The following DNASE1 variants were observed in gnomAD, a reference collection of about 807,000 sequenced individuals.
The protein encoded by DNASE1 is deoxyribonuclease-1.
DNASE1 carries 40 observed loss-of-function variants against 33.9 expected under a neutral mutation model. That is an observed-to-expected ratio of 1.18 (90% CI 0.92 to 1.54). The LOEUF (loss-of-function observed/expected upper bound fraction) is 1.54, where lower values mean the gene tolerates loss of function less well. Among genes scored for constraint, DNASE1 ranks in the 40% most tolerant of loss-of-function variants. The pLI is 0.00. For synonymous variants in DNASE1, 216 were observed against 160.0 expected, an observed-to-expected ratio of 1.35 and a Z score of -2.64; for missense variants, 518 against 372.6, an observed-to-expected ratio of 1.39 and a Z score of -3.21.
At chr16:3,612,649 TCCTCCCGCCTCGG>T (rs1426973664) in intron 1 of DNASE1, among the ~76,000 whole-genome samples, 60 of 148,182 alleles carry the variant, frequency 4.0e-4, no homozygotes, top group African/African-American at 1.5e-3. Flanking sequence ...CCGCAAGAGA[TCCTCCCGCCTCGG>T]CCTCCCAAAG....
rs545680735 is a variant in DNASE1, at chr16:3,656,918, C to A, written c.437-81C>A. 16 of 1,568,040 alleles carry A rather than the reference C, an allele frequency of 1.0e-5. No homozygotes were observed. In the East Asian group the frequency reaches 3.8e-4, roughly 37 times the overall value. On this transcript the variant is annotated intron_variant, in intron 5 of 8. Transcript: ENST00000246949. Reference sequence around the variant, plus strand: ...AATATCCACCCCCCGGGGGGACTGTCATGATACATAGTTCCAGCTGACATG... The same window carrying A: ...AATATCCACCCCCCGGGGGGACTGTAATGATACATAGTTCCAGCTGACATG...
At chr16:3,644,409 A>G (rs2042109912) in intron 1 of DNASE1, among the ~76,000 whole-genome samples, 1 of 152,120 alleles carries the variant, frequency 6.6e-6, no homozygotes, top group South Asian at 2.1e-4. Context: ...CTAAAAATAC[A>G]AAAATTAGCC....
chr16:3,654,195 C>G (rs1181940342), upstream of DNASE1: 1 of 396,484 alleles, frequency 2.5e-6, no homozygotes, highest in Non-Finnish European at 4.4e-6. Context: ...GCCCTTGTGA[C>G]CTGGTCACTC....
intron 1 of DNASE1, among the ~76,000 whole-genome samples, chr16:3,635,012 C>G (rs1029443944): frequency 1.3e-5 from 2 of 151,988 alleles, no homozygotes; most frequent in African/African-American, 4.8e-5. Flanking sequence ...TGATGCCAAA[C>G]TTAGTGCAGA....
intron 1 of DNASE1, among the ~76,000 whole-genome samples, chr16:3,631,588 G>A (rs944144394): frequency 6.6e-6 from 1 of 151,908 alleles, no homozygotes; most frequent in Non-Finnish European, 1.5e-5. Context: ...GCAGTGGCAT[G>A]ATCTCAGGTC....
At chr16:3,632,580 TTCTC>T (rs1157037320) in intron 1 of DNASE1, among the ~76,000 whole-genome samples, 2 of 151,744 alleles carry the variant, frequency 1.3e-5, no homozygotes, top group Non-Finnish European at 1.5e-5. Context: ...CTTTAATTTT[TTCTC>T]TCTTTTTTTT....
At position 3,619,684 on chromosome 16, in the gene DNASE1, A is replaced by T. The variant is rs530182447; in HGVS notation, c.-1359+7678A>T. Reference sequence around the variant, plus strand: ...CCGCCTGTAGGTAATTAAAAAAAAAATTTTTTTTGTAGACACAGGTCTTGC... The same window carrying T: ...CCGCCTGTAGGTAATTAAAAAAAAATTTTTTTTTGTAGACACAGGTCTTGC... On this transcript the variant is annotated intron_variant and NMD_transcript_variant, in intron 1 of 11. Transcript: ENST00000570769. 4.9e-3 allele frequency among the ~76,000 whole-genome samples: 738 copies of T among 149,688 alleles called. 2 individuals carry two copies. The highest frequency in any genetic ancestry group is 4.7e-3 in the Non-Finnish European group (316 of 67,480).
chr16:3,655,489 C>T lies in DNASE1; in HGVS notation c.116C>T (p.Ser39Phe), dbSNP rs756483303. 1 of 1,614,142 alleles carries T rather than the reference C, an allele frequency of 6.2e-7. No homozygotes were observed. Among genetic ancestry groups the T allele is most frequent in the African/African-American group, 1.3e-5 (1 of 75,052 alleles). ...CAGACATTTGGGGAGACCAAGATGT[C>T]CAATGCCACCCTCGTCAGCTACATT... ...NIQTFGETKMSNATLVSYIVQ... is the reference protein window; with the variant it reads ...NIQTFGETKMFNATLVSYIVQ... The change falls in exon 2 of 9, where the codon TCC becomes TTC. Residue 39 changes from serine to phenylalanine, a missense_variant. By Grantham distance (155) the Ser-to-Phe change is radical (BLOSUM62 -2). Transcript: ENST00000246949.
chr16:3,621,461 C>T (rs1040361258), intron 1 of DNASE1, among the ~76,000 whole-genome samples: 1 of 152,142 alleles, frequency 6.6e-6, no homozygotes, highest in Non-Finnish European at 1.5e-5. Context: ...CAAAAATTCC[C>T]TCCTACTTCT....
At chr16:3,626,951 A>G (rs2041531738) in intron 1 of DNASE1, among the ~76,000 whole-genome samples, 1 of 152,034 alleles carries the variant, frequency 6.6e-6, no homozygotes, top group African/African-American at 2.4e-5. Flanking sequence ...AACTCACTGC[A>G]GCTTTGAACT....
intron 1 of DNASE1, among the ~76,000 whole-genome samples, chr16:3,646,824 A>C (rs962019197): frequency 6.6e-6 from 1 of 152,118 alleles, no homozygotes; most frequent in African/African-American, 2.4e-5. Context: ...GAGGACGTGC[A>C]GGCTCAGGGT....
Position 3,655,843 on chromosome 16 carries a change from C to G in DNASE1, c.148-6C>G. ...CTGCTCAGCACCACTGTGGCCCTGCCCCCAGATCCTGAGCCGCTATGACAT... is the reference window on the plus strand; with the variant it reads ...CTGCTCAGCACCACTGTGGCCCTGCGCCCAGATCCTGAGCCGCTATGACAT... On this transcript the variant is annotated splice_polypyrimidine_tract_variant and splice_region_variant and intron_variant, in intron 2 of 8. Transcript: ENST00000246949. 6.2e-7 allele frequency: 1 copy of G among 1,613,508 alleles called. No individual in the cohort carries two copies. Among genetic ancestry groups the G allele is most frequent in the Non-Finnish European group, 8.5e-7 (1 of 1,179,980 alleles).
chr16:3,655,104 T>TAA (rs1489339576), intron 1 of DNASE1, 60 bp downstream of exon 1: 1 of 595,802 alleles, frequency 1.7e-6, no homozygotes, highest in Admixed American at 3.0e-5. Context: ...GAGGGAGGCT[T>TAA]AGAGTCTCAT....
exon 10 of DNASE1, chr16:3,663,509 C>T: frequency 6.2e-7 from 1 of 1,614,194 alleles, no homozygotes; most frequent in Non-Finnish European, 8.5e-7. Flanking sequence ...TCTTGTCAAA[C>T]TCACGAAGGT....
chr16:3,639,410 C>T (rs1292284964), upstream of DNASE1, among the ~76,000 whole-genome samples: 1 of 152,184 alleles, frequency 6.6e-6, no homozygotes, highest in Non-Finnish European at 1.5e-5. Flanking sequence ...CACACCAACC[C>T]CCCGGCTTTC....
At position 3,616,370 on chromosome 16, in the gene DNASE1, C is replaced by T. The variant is rs374033525; in HGVS notation, c.-1359+4364C>T. Among the ~76,000 whole-genome samples the T allele has an allele frequency of 1.1e-4, 17 of 152,200 alleles. No individual in the cohort carries two copies. The East Asian group carries it at 1.7e-3, about 15-fold the overall frequency. On this transcript the variant is annotated intron_variant and NMD_transcript_variant, in intron 1 of 11. Coordinates refer to the DNASE1 transcript ENST00000570769. ...GTGCGGTGGCTCACGCCTGTAATCC[C>T]GGCATTTTGGGAGTCTGAGTCAGGC... is the stretch of plus-strand genomic sequence containing the variant.
At chr16:3,663,112 TA>T in exon 10 of DNASE1, 1 of 714,256 alleles carries the variant, frequency 1.4e-6, no homozygotes, top group Non-Finnish European at 2.3e-6. Flanking sequence ...CATCTAAAAG[TA>T]AAACCTCAAA....
At chr16:3,662,025 G>A (rs771722670), downstream of DNASE1, 14 of 1,612,904 alleles carry the variant, frequency 8.7e-6, no homozygotes, top group Admixed American at 3.3e-5. Flanking sequence ...GGAGCTGTGC[G>A]CGCTCCTCCT....
chr16:3,663,577 G>A, exon 10 of DNASE1: 3 of 1,613,342 alleles, frequency 1.9e-6, no homozygotes, highest in Non-Finnish European at 2.5e-6. Context: ...AGGTGGCCAA[G>A]AGCAGCTCCA....
Sources: allele counts gnomAD v4.1 joint callset (sites outside exome capture counted in the v4.1 genomes callset), GRCh38; gene constraint gnomAD v4.1.1; transcripts MANE v1.5; gene names NCBI Gene and HGNC (gene_info 2026-07-23, HGNC 2026-07-21).